The following TMEM132C variants were observed in gnomAD, a reference collection of about 807,000 sequenced individuals.
The protein encoded by TMEM132C is transmembrane protein 132C, also known as protein phosphatase 1, regulatory subunit 152.
TMEM132C carries 29 observed loss-of-function variants against 61.4 expected under a neutral mutation model. The ratio of observed to expected loss-of-function variants is 0.47; its 90% CI spans 0.35 to 0.64. The LOEUF (loss-of-function observed/expected upper bound fraction) is 0.64, where lower values mean the gene tolerates loss of function less well. Among genes scored for constraint, TMEM132C ranks in the 30% least tolerant of loss-of-function variants. The pLI, the probability that TMEM132C is intolerant of heterozygous loss-of-function variation, is 0.00. For synonymous variants in TMEM132C, 656 were observed against 633.1 expected (o/e 1.04, Z -0.54); for missense variants, 1,408 against 1,476.9 (o/e 0.95, Z 0.76).
intron 1 of TMEM132C, among the ~76,000 whole-genome samples, chr12:128,395,204 A>G (rs1207372592): frequency 6.7e-6 from 1 of 150,318 alleles, no homozygotes; most frequent in Non-Finnish European, 1.5e-5. Context: ...TTAAATATAT[A>G]GTTCATTCAT....
intron 1 of TMEM132C, among the ~76,000 whole-genome samples, chr12:128,310,101 A>G (rs958414206): frequency 3.9e-5 from 6 of 152,194 alleles, no homozygotes; most frequent in African/African-American, 7.2e-5. Flanking sequence ...CCTTTTGACT[A>G]TGCAAACCTT....
At chr12:128,529,539 T>A (rs903439237) in intron 2 of TMEM132C, among the ~76,000 whole-genome samples, 4 of 152,194 alleles carry the variant, frequency 2.6e-5, no homozygotes, top group Non-Finnish European at 5.9e-5. Flanking sequence ...ATCCCAGCAC[T>A]TTGAGAGGCC....
chr12:128,519,858 C>T (rs572932034), intron 2 of TMEM132C, among the ~76,000 whole-genome samples: 8 of 152,312 alleles, frequency 5.3e-5, no homozygotes, highest in South Asian at 4.1e-4. Context: ...AAACCTCCTC[C>T]GATGTTGCCT....
intron 2 of TMEM132C, among the ~76,000 whole-genome samples, chr12:128,448,494 G>A (rs184086439): frequency 1.3e-5 from 2 of 152,270 alleles, no homozygotes; most frequent in African/African-American, 2.4e-5. Flanking sequence ...CTACTCTAGC[G>A]GGCCAGCCTG....
At chr12:128,305,881 C>A (rs1478162691) in intron 1 of TMEM132C, among the ~76,000 whole-genome samples, 1 of 152,162 alleles carries the variant, frequency 6.6e-6, no homozygotes, top group Non-Finnish European at 1.5e-5. Flanking sequence ...ATGCCTAGAA[C>A]TGACGGTAGC....
chr12:128,696,001 T>C lies in TMEM132C; in HGVS notation c.1827T>C (p.Thr609=). 3 of 1,551,760 alleles carry C rather than the reference T, an allele frequency of 1.9e-6. No homozygotes were observed. The highest frequency in any genetic ancestry group is 2.6e-6 in the Non-Finnish European group (3 of 1,147,012). ...GTCCTAACTGGCAGTTCGACATCAC[T>C]CACCTGGTGGCAGACTTCATGAAGC... The part of the protein sequence containing the change: ...LLSPNWQFDI[T]HLVADFMKLE... The change falls in exon 7 of 9, where the codon ACT becomes ACC. Residue 609 remains threonine (T), a synonymous_variant. Transcript: ENST00000435159.
chr12:128,556,908 A>G (rs1874350563), intron 3 of TMEM132C, among the ~76,000 whole-genome samples: 1 of 152,252 alleles, frequency 6.6e-6, no homozygotes, highest in South Asian at 2.1e-4. Flanking sequence ...AGGACTCTTG[A>G]TTCACAGAAA....
At chr12:128,395,661 G>A (rs1157392978) in intron 1 of TMEM132C, among the ~76,000 whole-genome samples, 2 of 152,224 alleles carry the variant, frequency 1.3e-5, no homozygotes, top group East Asian at 3.8e-4. Context: ...AATATCTCAT[G>A]TAATTTGTTG....
intron 1 of TMEM132C, among the ~76,000 whole-genome samples, chr12:128,305,150 G>A (rs115860776): frequency 0.017 from 2,515 of 152,146 alleles, 68 homozygotes; most frequent in African/African-American, 0.057. Context: ...AGGCAGAAGT[G>A]GGAGGATCAC....
intron 1 of TMEM132C, among the ~76,000 whole-genome samples, chr12:128,280,877 G>A (rs1297777321): frequency 1.3e-5 from 2 of 152,156 alleles, no homozygotes; most frequent in Non-Finnish European, 2.9e-5. Flanking sequence ...AGAAAACAAT[G>A]TGCTCTAATT....
intron 5 of TMEM132C, among the ~76,000 whole-genome samples, chr12:128,671,221 G>A (rs1432034787): frequency 6.6e-6 from 1 of 152,202 alleles, no homozygotes; most frequent in Non-Finnish European, 1.5e-5. Flanking sequence ...GGCTTAGAAA[G>A]TCTAAAATAT....
chr12:128,321,517 G>A (rs1043817146), intron 1 of TMEM132C, among the ~76,000 whole-genome samples: 1 of 152,206 alleles, frequency 6.6e-6, no homozygotes, highest in Non-Finnish European at 1.5e-5. Flanking sequence ...GGCTATAAAG[G>A]GAGAAAGGAG....
chr12:128,666,439 T>C (rs116697509), intron 4 of TMEM132C, among the ~76,000 whole-genome samples: 1,534 of 152,350 alleles, frequency 0.01, 37 homozygotes, highest in African/African-American at 0.034. Context: ...TTCTGCTGTT[T>C]AGAAGCTACC....
At chr12:128,352,761 C>A (rs1352887020) in intron 1 of TMEM132C, among the ~76,000 whole-genome samples, 2 of 152,198 alleles carry the variant, frequency 1.3e-5, no homozygotes, top group African/African-American at 2.4e-5. Flanking sequence ...TCTGTAGCTA[C>A]TTTGCTTTGA....
At chr12:128,604,038 C>A (rs1876302217) in intron 3 of TMEM132C, among the ~76,000 whole-genome samples, 1 of 152,162 alleles carries the variant, frequency 6.6e-6, no homozygotes, top group Non-Finnish European at 1.5e-5. Context: ...TGCAGGTTTT[C>A]CCTCCGTGTC....
intron 1 of TMEM132C, among the ~76,000 whole-genome samples, chr12:128,315,125 G>C (rs1301012066): frequency 2.0e-5 from 3 of 152,142 alleles, no homozygotes; most frequent in Non-Finnish European, 4.4e-5. Context: ...CATCTGATCA[G>C]GGACGGGGAC....
intron 1 of TMEM132C, among the ~76,000 whole-genome samples, chr12:128,336,759 AC>A (rs557412201): frequency 1.0e-3 from 158 of 152,126 alleles, no homozygotes; most frequent in African/African-American, 3.7e-3. Flanking sequence ...AGTCCCCAAG[AC>A]CCAGCTCACT....
At chr12:128,436,230 T>C (rs1296753437) in intron 2 of TMEM132C, among the ~76,000 whole-genome samples, 1 of 152,146 alleles carries the variant, frequency 6.6e-6, no homozygotes, top group Non-Finnish European at 1.5e-5. Context: ...ATTCAGGACA[T>C]AGGCATGGGC....
intron 2 of TMEM132C, among the ~76,000 whole-genome samples, chr12:128,497,637 G>A (rs551154051): frequency 1.8e-4 from 28 of 152,312 alleles, no homozygotes; most frequent in Non-Finnish European, 2.5e-4. Flanking sequence ...AGCCAGGTGC[G>A]GGATATAATC....
Sources: allele counts gnomAD v4.1 joint callset (sites outside exome capture counted in the v4.1 genomes callset), GRCh38; gene constraint gnomAD v4.1.1; transcripts MANE v1.5; gene names NCBI Gene and HGNC (gene_info 2026-07-23, HGNC 2026-07-21).